EDIL3: variants seen among roughly 807,000 people sequenced by gnomAD.
The protein encoded by EDIL3 is EGF like and discoidin domains 3.
Under a neutral mutation model 67.4 loss-of-function variants are expected in EDIL3, and 37 were observed. The ratio of observed to expected loss-of-function variants is 0.55; its 90% confidence interval spans 0.42 to 0.72. The LOEUF (loss-of-function observed/expected upper bound fraction) is 0.72, where lower values mean the gene tolerates loss of function less well. Among genes scored for constraint, EDIL3 ranks in the 30% least tolerant of loss-of-function variants. The probability of loss-of-function intolerance (pLI) is 0.00; values close to 1 mark genes in which losing one functional copy is unlikely to be tolerated. For missense variants in EDIL3, 527 were observed against 586.3 expected, an observed-to-expected ratio of 0.90 and a Z score of 1.04; for synonymous variants, 195 against 196.3, an observed-to-expected ratio of 0.99 and a Z score of 0.05.
chr5:84,193,573 A>G (rs893803029), intron 3 of EDIL3, among the ~76,000 whole-genome samples: 2 of 151,922 alleles, frequency 1.3e-5, no homozygotes, highest in African/African-American at 4.8e-5. Context: ...ATAGTTGCCT[A>G]CTGAAAGTTT....
intron 1 of EDIL3, among the ~76,000 whole-genome samples, chr5:84,298,764 TCTC>T (rs1746098680): frequency 6.6e-6 from 1 of 152,140 alleles, no homozygotes; most frequent in Non-Finnish European, 1.5e-5. Flanking sequence ...ACACCTTTGT[TCTC>T]CTCTCAAATT....
At chr5:84,141,817 T>C (rs1221347669) in intron 4 of EDIL3, among the ~76,000 whole-genome samples, 1 of 148,838 alleles carries the variant, frequency 6.7e-6, no homozygotes. Flanking sequence ...TTGATCGTCC[T>C]TCTCTTTGGC....
At chr5:83,979,744 C>T (rs1226686542) in intron 9 of EDIL3, among the ~76,000 whole-genome samples, 1 of 152,088 alleles carries the variant, frequency 6.6e-6, no homozygotes, top group African/African-American at 2.4e-5. Flanking sequence ...TCTTCTGACA[C>T]AGCCACCAAC....
At chr5:84,299,030 G>A (rs192178937) in intron 1 of EDIL3, among the ~76,000 whole-genome samples, 71 of 152,234 alleles carry the variant, frequency 4.7e-4, no homozygotes, top group Non-Finnish European at 7.9e-4. Flanking sequence ...GCCATAACCC[G>A]CAGCTAAAAC....
intron 9 of EDIL3, among the ~76,000 whole-genome samples, chr5:83,965,749 C>T (rs1261861495): frequency 2.6e-5 from 4 of 152,092 alleles, no homozygotes; most frequent in East Asian, 3.9e-4. Context: ...ACTCTAACGG[C>T]TCCCCTTCTG....
At chr5:84,354,026 T>C (rs1282357830) in intron 1 of EDIL3, among the ~76,000 whole-genome samples, 3 of 152,222 alleles carry the variant, frequency 2.0e-5, no homozygotes, top group African/African-American at 7.2e-5. Context: ...AGAAACTTCA[T>C]AACTCTAGGC....
chr5:84,259,849 T>C (rs1381570690), intron 1 of EDIL3, among the ~76,000 whole-genome samples: 3 of 152,148 alleles, frequency 2.0e-5, no homozygotes, highest in African/African-American at 4.8e-5. Context: ...CTACTTGGTA[T>C]TGCAGAAGAC....
chr5:84,281,589 GC>G (rs1745704100), intron 1 of EDIL3, among the ~76,000 whole-genome samples: 2 of 152,122 alleles, frequency 1.3e-5, no homozygotes, highest in African/African-American at 4.8e-5. Flanking sequence ...TGTGGAAATG[GC>G]AAGTACACAT....
chr5:83,986,122 T>C (rs969587629), intron 9 of EDIL3, among the ~76,000 whole-genome samples: 1 of 152,146 alleles, frequency 6.6e-6, no homozygotes, highest in Admixed American at 6.6e-5. Context: ...AGCACCACTT[T>C]TTTTAATCTA....
At chr5:84,297,010 G>A (rs930010155) in intron 1 of EDIL3, among the ~76,000 whole-genome samples, 15 of 151,794 alleles carry the variant, frequency 9.9e-5, no homozygotes, top group African/African-American at 1.9e-4. Flanking sequence ...GTGAAACCCC[G>A]TCTCCACTAA....
Position 84,384,568 on chromosome 5 carries a change from C to T in EDIL3, c.-194G>A. 2.1e-6 allele frequency: 1 copy of T among 477,018 alleles called. No individual in the cohort carries two copies. The highest frequency in any genetic ancestry group is 4.2e-5 in the South Asian group (1 of 23,532). The allele number at this position is 477,018 out of a possible 1,614,324, so 29.5% of individuals were successfully genotyped here. ...TGGTGACTAAAGAGAGGAGCCTTTC[C>T]TCCCCTTTTGCCTGCGCTCCGGCGC... On this transcript the variant is annotated 5_prime_UTR_variant, in exon 1 of 11. Transcript: ENST00000296591.
At chr5:84,088,321 C>T (rs1316850510) in intron 6 of EDIL3, among the ~76,000 whole-genome samples, 19 of 152,018 alleles carry the variant, frequency 1.2e-4, no homozygotes, top group Non-Finnish European at 1.5e-5. Context: ...CTAATGCATG[C>T]TCTTAAAAAA....
chr5:84,056,734 G>C (rs567729818), intron 9 of EDIL3, among the ~76,000 whole-genome samples: 1 of 152,044 alleles, frequency 6.6e-6, no homozygotes, highest in South Asian at 2.1e-4. Context: ...TGAAGGAAGG[G>C]AATTTAAGTG....
intron 9 of EDIL3, among the ~76,000 whole-genome samples, chr5:83,979,517 G>T (rs1744929447): frequency 6.6e-6 from 1 of 151,988 alleles, no homozygotes; most frequent in Non-Finnish European, 1.5e-5. Flanking sequence ...TCTATGAACA[G>T]AATTGATAAC....
At chr5:84,149,473 A>G (rs1342901827) in intron 4 of EDIL3, among the ~76,000 whole-genome samples, 1 of 152,192 alleles carries the variant, frequency 6.6e-6, no homozygotes, top group African/African-American at 2.4e-5. Context: ...CCTGGATTAA[A>G]TAAATTATTG....
intron 5 of EDIL3, among the ~76,000 whole-genome samples, chr5:84,126,446 C>A (rs1747870248): frequency 6.6e-6 from 1 of 151,904 alleles, no homozygotes; most frequent in African/African-American, 2.4e-5. Context: ...AAATTGAAGG[C>A]AATCATCAAA....
chr5:84,299,399 T>C (rs1422328302), intron 1 of EDIL3, among the ~76,000 whole-genome samples: 1 of 152,178 alleles, frequency 6.6e-6, no homozygotes, highest in Non-Finnish European at 1.5e-5. Flanking sequence ...AACCAATTAA[T>C]GCAAGTATAA....
intron 1 of EDIL3, among the ~76,000 whole-genome samples, chr5:84,287,644 G>T (rs1023502715): frequency 3.9e-5 from 6 of 152,064 alleles, no homozygotes; most frequent in Admixed American, 2.0e-4. Context: ...ATCACAGGGG[G>T]AAATGAAGGG....
intron 5 of EDIL3, among the ~76,000 whole-genome samples, chr5:84,131,260 G>A: frequency 6.6e-6 from 1 of 152,090 alleles, no homozygotes; most frequent in Non-Finnish European, 1.5e-5. Flanking sequence ...TCAAAAGATA[G>A]TATCAATTCC....
Sources: gnomAD v4.1 joint callset for allele counts (sites outside exome capture counted in the v4.1 genomes callset) on GRCh38, gnomAD v4.1.1 for gene constraint, MANE v1.5 for transcripts, NCBI Gene and HGNC (gene_info 2026-07-23, HGNC 2026-07-21) for gene names.